Variants in ADGRG6 observed in about 807,000 individuals in gnomAD.
ADGRG6 encodes adhesion G protein-coupled receptor G6, also known as G-protein coupled receptor 126.
Under a neutral mutation model 142.4 loss-of-function variants are expected in ADGRG6, and 84 were observed. The ratio of observed to expected loss-of-function variants is 0.59; its 90% CI spans 0.49 to 0.71. The LOEUF (loss-of-function observed/expected upper bound fraction) is 0.71, where lower values mean the gene tolerates loss of function less well. Among genes scored for constraint, ADGRG6 ranks in the 30% least tolerant of loss-of-function variants. The probability of loss-of-function intolerance (pLI) is 0.00; values close to 1 mark genes in which losing one functional copy is unlikely to be tolerated. For synonymous variants in ADGRG6, 521 were observed against 520.5 expected (o/e 1.00, Z -0.01); for missense variants, 1,367 against 1,466.6 (o/e 0.93, Z 1.11).
At chr6:142,328,871 A>G (rs2114651721) in intron 2 of ADGRG6, among the ~76,000 whole-genome samples, 1 of 152,286 alleles carries the variant, frequency 6.6e-6, no homozygotes, top group South Asian at 2.1e-4. Flanking sequence ...ACATTGAGGT[A>G]AATTGTAGTT....
chr6:142,339,772 A>G (rs1219089263), intron 2 of ADGRG6, among the ~76,000 whole-genome samples: 2 of 152,146 alleles, frequency 1.3e-5, no homozygotes, highest in Non-Finnish European at 2.9e-5. Flanking sequence ...TAGCCTTTTA[A>G]TTGCAACTCT....
intron 2 of ADGRG6, among the ~76,000 whole-genome samples, chr6:142,310,116 T>C (rs1280486584): frequency 2.6e-5 from 4 of 151,920 alleles, no homozygotes; most frequent in Non-Finnish European, 4.4e-5. Flanking sequence ...TTTTAGACTA[T>C]GCAGTTTAAT....
intron 3 of ADGRG6, among the ~76,000 whole-genome samples, chr6:142,369,324 C>G (rs919159442): frequency 6.6e-6 from 1 of 152,134 alleles, no homozygotes; most frequent in Non-Finnish European, 1.5e-5. Context: ...AATAATAGTA[C>G]TTGCTATTTA....
intron 2 of ADGRG6, among the ~76,000 whole-genome samples, chr6:142,328,480 G>T (rs962127273): frequency 6.6e-6 from 1 of 152,200 alleles, no homozygotes; most frequent in African/African-American, 2.4e-5. Context: ...GGAATTACAG[G>T]TGTGAGCCAC....
chr6:142,362,327 G>C (rs1272528409), intron 2 of ADGRG6, among the ~76,000 whole-genome samples: 1 of 152,108 alleles, frequency 6.6e-6, no homozygotes, highest in Non-Finnish European at 1.5e-5. Context: ...GAACGTTTTG[G>C]GGTTGACCCA....
chr6:142,357,857 G>C (rs2114808441), intron 2 of ADGRG6, among the ~76,000 whole-genome samples: 1 of 152,318 alleles, frequency 6.6e-6, no homozygotes, highest in Non-Finnish European at 1.5e-5. Flanking sequence ...AAAGGAAGTA[G>C]GGGCTCAGTA....
At chr6:142,392,843 C>T (rs1002799398) in intron 7 of ADGRG6, 105 bp from the exon 8 acceptor site, 4 of 726,078 alleles carry the variant, frequency 5.5e-6, no homozygotes, top group Non-Finnish European at 4.8e-6. Context: ...TCAGGATTTT[C>T]CCAGGGTCTT....
At chr6:142,435,418 T>C (rs1051021750) in intron 22 of ADGRG6, among the ~76,000 whole-genome samples, 1 of 152,168 alleles carries the variant, frequency 6.6e-6, no homozygotes. Flanking sequence ...CAGCAACTTA[T>C]TTGCATGCTT....
At chr6:142,385,516 C>T (rs1328895649) in intron 6 of ADGRG6, among the ~76,000 whole-genome samples, 3 of 152,088 alleles carry the variant, frequency 2.0e-5, no homozygotes, top group South Asian at 4.1e-4. Flanking sequence ...AATTGACTCA[C>T]TTTTTAATGT....
intron 6 of ADGRG6, among the ~76,000 whole-genome samples, chr6:142,384,113 T>C (rs1386394691): frequency 6.6e-6 from 1 of 152,126 alleles, no homozygotes; most frequent in Non-Finnish European, 1.5e-5. Flanking sequence ...GGGAAAGGCA[T>C]TTAATTAGAA....
Position 142,408,159 on chromosome 6 carries a change from C to A in ADGRG6, c.2278C>A (p.Pro760Thr). The A allele has an allele frequency of 1.9e-6, 3 of 1,578,012 alleles. No individual in the cohort carries two copies. Among genetic ancestry groups the A allele is most frequent in the African/African-American group, 2.7e-5 (2 of 74,222 alleles). Residue 760 changes from proline (P) to threonine (T), a missense_variant, in exon 16 of 25, where the codon CCC becomes ACC. Transcript: ENST00000367609. ...TTTTTTTCTTTAAAAGGATGTAGGA[C>A]CCCAAAGAAAAACTTTAGTGAGTTA... ...NKTGLFQDVG[P>T]QRKTLVSYVM...
chr6:142,437,881 T>C (rs1189512586), intron 23 of ADGRG6, among the ~76,000 whole-genome samples: 2 of 140,610 alleles, frequency 1.4e-5, no homozygotes, highest in Admixed American at 1.4e-4. Context: ...GCAAAGAGAT[T>C]TTTCTCAGTA....
intron 10 of ADGRG6, among the ~76,000 whole-genome samples, chr6:142,399,054 G>A (rs1775362176): frequency 6.6e-6 from 1 of 152,070 alleles, no homozygotes; most frequent in Non-Finnish European, 1.5e-5. Flanking sequence ...TCACAAATAT[G>A]GATAACAAAA....
intron 22 of ADGRG6, among the ~76,000 whole-genome samples, chr6:142,427,905 T>G (rs1245311400): frequency 6.6e-6 from 1 of 152,110 alleles, no homozygotes; most frequent in Non-Finnish European, 1.5e-5. Flanking sequence ...CACCCATAAT[T>G]CAATCACCTC....
chr6:142,370,909 TAGACATATATATATA>T, intron 4 of ADGRG6, 116 bp downstream of exon 4: 3 of 977,496 alleles, frequency 3.1e-6, no homozygotes, highest in Admixed American at 4.6e-5. Flanking sequence ...TTCACACATA[TAGACATATATATATA>T]TGTTGTCATT....
chr6:142,369,861 T>A (rs914159438), intron 3 of ADGRG6, among the ~76,000 whole-genome samples: 1 of 152,232 alleles, frequency 6.6e-6, no homozygotes, highest in South Asian at 2.1e-4. Flanking sequence ...TTGGGGTTTT[T>A]AAATTGTTAA....
chr6:142,377,405 A>C (rs1165588023), intron 4 of ADGRG6, among the ~76,000 whole-genome samples: 2 of 152,100 alleles, frequency 1.3e-5, no homozygotes, highest in African/African-American at 2.4e-5. Context: ...CCCACCTCCC[A>C]CAAGTCGGGC....
chr6:142,325,036 CATATTTACTTGG>C (rs1478070707), intron 2 of ADGRG6, among the ~76,000 whole-genome samples: 2 of 152,078 alleles, frequency 1.3e-5, no homozygotes, highest in Non-Finnish European at 2.9e-5. Context: ...ACATTGGGAG[CATATTTACTTGG>C]ATTATTTAGA....
intron 2 of ADGRG6, among the ~76,000 whole-genome samples, chr6:142,356,072 G>A (rs1562333965): frequency 2.0e-5 from 3 of 152,172 alleles, no homozygotes; most frequent in Non-Finnish European, 4.4e-5. Flanking sequence ...CCCCAGCCCA[G>A]TGCAATTTGA....
Sources: allele counts gnomAD v4.1 joint callset (sites outside exome capture counted in the v4.1 genomes callset), GRCh38; gene constraint gnomAD v4.1.1; transcripts MANE v1.5; gene names NCBI Gene and HGNC (gene_info 2026-07-23, HGNC 2026-07-21).